CDH12: variants seen among roughly 807,000 people sequenced by gnomAD.
CDH12 encodes cadherin 12.
A neutral mutation model predicts 74.1 loss-of-function variants in CDH12; 41 were observed. That is an observed-to-expected ratio of 0.55 (90% CI 0.43 to 0.72). The LOEUF (loss-of-function observed/expected upper bound fraction) is 0.72, where lower values mean the gene tolerates loss of function less well. Ranked by LOEUF, CDH12 falls within the 30% of genes least tolerant of loss-of-function variation. CDH12 has a pLI of 0.00. For missense variants in CDH12, 945 were observed against 977.2 expected (o/e 0.97, Z 0.44); for synonymous variants, 399 against 355.0 (o/e 1.12, Z -1.39).
At position 22,185,196 on chromosome 5, in the gene CDH12, TCTC is replaced by T. The variant is rs1347899997; in HGVS notation, c.-187+27299_-187+27301del. 3.2e-3 allele frequency among the ~76,000 whole-genome samples: 354 copies of T among 109,116 alleles called. 2 individuals carry two copies. The highest frequency in any genetic ancestry group is 0.011 in the African/African-American group (346 of 32,132). 71.6% of individuals were successfully genotyped at this position (109,116 alleles called of 152,430 possible). On this transcript the variant is annotated intron_variant, in intron 4 of 14. Transcript: ENST00000382254. ...AAACAGAGTCCTCCTTCTCTCTCTC[TCTC>T]TTTTTTTTTTTTTTTTGAGAAGGAG...
rs115224775 is a variant in CDH12 at position 22,499,699 on chromosome 5, T to C, written c.-428+5571A>G. ...TTCGTCCCTAGTATGGGGTGTAGAA[T>C]AGGGTATACCCAGTGTAGAAGTAGC... On this transcript the variant is annotated intron_variant, in intron 2 of 14. Transcript: ENST00000382254. Among the ~76,000 whole-genome samples, 692 of 152,250 alleles carry C rather than the reference T, an allele frequency of 4.5e-3. 1 individual carries two copies. The highest frequency in any genetic ancestry group is 7.1e-3 in the Non-Finnish European group (483 of 68,016).
chr5:22,524,840 T>A (rs1316350424), intron 1 of CDH12, among the ~76,000 whole-genome samples: 1 of 152,108 alleles, frequency 6.6e-6, no homozygotes, highest in East Asian at 1.9e-4. Context: ...CTTTAAGTTT[T>A]AGGGTACATG....
chr5:22,299,076 G>T lies in CDH12; in HGVS notation c.-332-86433C>A, dbSNP rs114177176. On this transcript the variant is annotated intron_variant, in intron 3 of 14. Transcript: ENST00000382254. ...GGAAAAGACTCATTTTAGAATGTGA[G>T]ATTTAAACAATGACTTAAAGAAGGT... is the stretch of plus-strand genomic sequence containing the variant. Among the ~76,000 whole-genome samples, 1,209 of 152,242 alleles carry T rather than the reference G, an allele frequency of 7.9e-3. 16 individuals are homozygous for T. The highest frequency in any genetic ancestry group is 0.027 in the African/African-American group (1,137 of 41,550).
At chr5:22,119,000 A>G (rs1178822266) in intron 4 of CDH12, among the ~76,000 whole-genome samples, 1 of 152,138 alleles carries the variant, frequency 6.6e-6, no homozygotes, top group East Asian at 1.9e-4. Flanking sequence ...TGATAAGAAG[A>G]TAAACAATTT....
At chr5:21,847,044 T>G (rs1750210424) in intron 7 of CDH12, among the ~76,000 whole-genome samples, 1 of 152,116 alleles carries the variant, frequency 6.6e-6, no homozygotes, top group Non-Finnish European at 1.5e-5. Flanking sequence ...AGAGCAGCCA[T>G]GATGGTGAGG....
rs139998130 is a variant in CDH12, at chr5:22,112,792, T to A, written c.-186-33930A>T. ...AAAATCCCTGCACATGATTACCCAC[T>A]CTGTAACCTCCTGGCTATATGACTT... On this transcript the variant is annotated intron_variant, in intron 4 of 14. Coordinates refer to ENST00000382254, the MANE Select transcript of CDH12 (RefSeq NM_004061.5). Among the ~76,000 whole-genome samples the A allele has an allele frequency of 4.0e-3, 609 of 152,290 alleles. 13 individuals are homozygous for A. The highest frequency in any genetic ancestry group is 0.014 in the African/African-American group (573 of 41,574).
intron 1 of CDH12, among the ~76,000 whole-genome samples, chr5:22,688,687 C>T (rs539856646): frequency 6.6e-6 from 1 of 152,088 alleles, no homozygotes; most frequent in South Asian, 2.1e-4. Context: ...TCTTGTTGCA[C>T]TGGATGAAAA....
chr5:22,387,049 A>C (rs1742028777), intron 3 of CDH12, among the ~76,000 whole-genome samples: 1 of 152,040 alleles, frequency 6.6e-6, no homozygotes, highest in African/African-American at 2.4e-5. Flanking sequence ...TTGACTACAA[A>C]TTATAACTCA....
chr5:22,283,941 C>T (rs892776667), intron 3 of CDH12, among the ~76,000 whole-genome samples: 5 of 152,072 alleles, frequency 3.3e-5, no homozygotes, highest in African/African-American at 1.2e-4. Flanking sequence ...GTGATGCACA[C>T]ATAAATCATA....
intron 4 of CDH12, among the ~76,000 whole-genome samples, chr5:22,132,335 A>C (rs1746218855): frequency 6.6e-6 from 1 of 152,004 alleles, no homozygotes; most frequent in African/African-American, 2.4e-5. Context: ...AGACCTGCAA[A>C]CAGGGGGCCC....
At position 22,787,138 on chromosome 5, in the gene CDH12, C is replaced by A. The variant is rs568181188; in HGVS notation, c.-523+65920G>T. Reference sequence around the variant, plus strand: ...TTAGGACCTCTAAAACACACACACACCACACACACACACACACACACCCCA... The same window carrying A: ...TTAGGACCTCTAAAACACACACACAACACACACACACACACACACACCCCA... On this transcript the variant is annotated intron_variant, in intron 1 of 14. Coordinates refer to ENST00000382254, the MANE Select transcript of CDH12 (RefSeq NM_004061.5). 6.9e-3 allele frequency among the ~76,000 whole-genome samples: 1,021 copies of A among 148,746 alleles called. 8 individuals carry two copies. The highest frequency in any genetic ancestry group is 0.024 in the African/African-American group (984 of 40,650).
chr5:22,428,078 T>C (rs1421425921), intron 2 of CDH12, among the ~76,000 whole-genome samples: 2 of 152,126 alleles, frequency 1.3e-5, no homozygotes, highest in Non-Finnish European at 2.9e-5. Flanking sequence ...AGTGGTTACA[T>C]TGAAGAGCAA....
At chr5:22,061,101 C>T (rs867444637) in intron 5 of CDH12, among the ~76,000 whole-genome samples, 12 of 152,280 alleles carry the variant, frequency 7.9e-5, no homozygotes, top group Middle Eastern at 3.4e-3. Context: ...CAAAATGCAA[C>T]AGCACTCTTT....
chr5:22,094,091 C>T (rs1196920800), intron 4 of CDH12, among the ~76,000 whole-genome samples: 1 of 152,180 alleles, frequency 6.6e-6, no homozygotes, highest in Non-Finnish European at 1.5e-5. Flanking sequence ...AAATCGCCCA[C>T]ATTTGCTTTA....
intron 1 of CDH12, among the ~76,000 whole-genome samples, chr5:22,696,753 T>C (rs1244078535): frequency 6.6e-6 from 1 of 152,200 alleles, no homozygotes; most frequent in East Asian, 1.9e-4. Context: ...TACTTCAGTA[T>C]GCATTTTAAC....
chr5:21,791,112 A>G (rs1007544983), intron 10 of CDH12, among the ~76,000 whole-genome samples: 3 of 152,010 alleles, frequency 2.0e-5, no homozygotes, highest in Non-Finnish European at 2.9e-5. Context: ...CATCTTCAAC[A>G]TCTTCTCATA....
At chr5:21,825,107 C>T (rs868169975) in intron 8 of CDH12, among the ~76,000 whole-genome samples, 4 of 149,110 alleles carry the variant, frequency 2.7e-5, no homozygotes, top group African/African-American at 5.0e-5. Context: ...GAGCTGAGAT[C>T]ATGCCACTGC....
At chr5:22,090,606 T>TAGAC (rs1743358917) in intron 4 of CDH12, among the ~76,000 whole-genome samples, 1 of 147,574 alleles carries the variant, frequency 6.8e-6, no homozygotes, top group African/African-American at 2.5e-5. Context: ...CATACATACA[T>TAGAC]ACACACACAC....
At chr5:22,186,114 GC>G (rs1749928831) in intron 4 of CDH12, among the ~76,000 whole-genome samples, 1 of 152,156 alleles carries the variant, frequency 6.6e-6, no homozygotes, top group Non-Finnish European at 1.5e-5. Context: ...GCAGTTAAGT[GC>G]CTGACATTAT....
Sources: gnomAD v4.1 joint callset for allele counts (sites outside exome capture counted in the v4.1 genomes callset) on GRCh38, gnomAD v4.1.1 for gene constraint, MANE v1.5 for transcripts, NCBI Gene and HGNC (gene_info 2026-07-23, HGNC 2026-07-21) for gene names.